The following SLCO3A1 variants were observed in gnomAD, a reference collection of about 807,000 sequenced individuals.
SLCO3A1 encodes solute carrier organic anion transporter family member 3A1, also known as PGE1 transporter.
A neutral mutation model predicts 63.1 loss-of-function variants in SLCO3A1; 27 were observed. The ratio of observed to expected loss-of-function variants is 0.43; its 90% CI spans 0.32 to 0.59. The LOEUF is 0.59. Among genes scored for constraint, SLCO3A1 ranks in the 20% least tolerant of loss-of-function variants. The probability of loss-of-function intolerance (pLI) is 0.09; values close to 1 mark genes in which losing one functional copy is unlikely to be tolerated. For synonymous variants in SLCO3A1, 473 were observed against 409.9 expected (o/e 1.15, Z -1.86); for missense variants, 773 against 945.8 (o/e 0.82, Z 2.40).
intron 2 of SLCO3A1, among the ~76,000 whole-genome samples, chr15:92,058,730 CTAG>C (rs2047051070): frequency 6.6e-6 from 1 of 152,126 alleles, no homozygotes; most frequent in Non-Finnish European, 1.5e-5. Context: ...TTTCACAGTC[CTAG>C]AAGCCAGAAC....
chr15:92,016,133 A>G lies in SLCO3A1; in HGVS notation c.647-78748A>G, dbSNP rs559370105. On this transcript the variant is annotated intron_variant, in intron 2 of 9. Transcript: ENST00000318445. ...CTGGACAGGAAGATGATGTGCAAAAAGCCCAAAGATGTAAGGCTGGGAGAT... is the reference window on the plus strand; with the variant it reads ...CTGGACAGGAAGATGATGTGCAAAAGGCCCAAAGATGTAAGGCTGGGAGAT... 2.6e-5 allele frequency among the ~76,000 whole-genome samples: 4 copies of G among 152,126 alleles called. No individual in the cohort carries two copies. In the East Asian group the frequency reaches 7.7e-4, roughly 29 times the overall value.
chr15:92,090,567 G>T lies in SLCO3A1; in HGVS notation c.647-4314G>T, dbSNP rs148306611. The stretch of plus-strand genomic sequence containing the variant: ...GGCTTGGCAAGCAGCAGATCAGTGG[G>T]GTGGACTCCGGACATCCAGTCAGTC... On this transcript the variant is annotated intron_variant, in intron 2 of 9. Coordinates refer to ENST00000318445, the MANE Select transcript of SLCO3A1 (RefSeq NM_013272.4). 6.4e-3 allele frequency among the ~76,000 whole-genome samples: 973 copies of T among 152,258 alleles called. 2 individuals are homozygous for T. The highest frequency in any genetic ancestry group is 0.026 in the South Asian group (127 of 4,820).
At chr15:91,964,038 G>A (rs1291785008) in intron 2 of SLCO3A1, among the ~76,000 whole-genome samples, 1 of 152,134 alleles carries the variant, frequency 6.6e-6, no homozygotes, top group Non-Finnish European at 1.5e-5. Context: ...GCACTGATTG[G>A]TGCATTTACA....
At chr15:92,000,228 C>T (rs1332456107) in intron 2 of SLCO3A1, among the ~76,000 whole-genome samples, 1 of 151,902 alleles carries the variant, frequency 6.6e-6, no homozygotes, top group Non-Finnish European at 1.5e-5. Context: ...TGTATATTTA[C>T]ATATAAACAT....
intron 2 of SLCO3A1, among the ~76,000 whole-genome samples, chr15:92,014,076 T>A (rs1314941737): frequency 6.6e-6 from 1 of 152,070 alleles, no homozygotes; most frequent in African/African-American, 2.4e-5. Context: ...GGCCTCTTTA[T>A]CTCCCCAGAT....
intron 2 of SLCO3A1, among the ~76,000 whole-genome samples, chr15:91,923,099 T>A (rs370701886): frequency 1.3e-5 from 2 of 152,220 alleles, no homozygotes; most frequent in African/African-American, 4.8e-5. Context: ...TCCTGGGTTT[T>A]GGATGAGTTT....
At chr15:91,978,830 G>A (rs892312397) in intron 2 of SLCO3A1, among the ~76,000 whole-genome samples, 1 of 152,190 alleles carries the variant, frequency 6.6e-6, no homozygotes, top group Non-Finnish European at 1.5e-5. Context: ...TAGTTCAAGG[G>A]TCAGCGAACT....
intron 2 of SLCO3A1, among the ~76,000 whole-genome samples, chr15:92,000,960 A>C (rs987366584): frequency 6.6e-6 from 1 of 152,030 alleles, no homozygotes; most frequent in African/African-American, 2.4e-5. Context: ...CCCTTCGAGG[A>C]CTGTCATCGA....
In SLCO3A1 at chr15:92,018,273, C is replaced by T. The variant is rs767662134; in HGVS notation, c.647-76608C>T. On this transcript the variant is annotated intron_variant, in intron 2 of 9. Coordinates refer to ENST00000318445, the MANE Select transcript of SLCO3A1 (RefSeq NM_013272.4). Reference sequence around the variant, plus strand: ...GCCTTGGCCAGGTCACTTGGGTTTCCCTGGTGAGGGGCTGCTGTCAGCACC... The same window carrying T: ...GCCTTGGCCAGGTCACTTGGGTTTCTCTGGTGAGGGGCTGCTGTCAGCACC... Among the ~76,000 whole-genome samples, 41 of 152,278 alleles carry T rather than the reference C, an allele frequency of 2.7e-4. 1 individual carries two copies. The highest frequency in any genetic ancestry group is 6.2e-4 in the South Asian group (3 of 4,832).
chr15:92,022,269 A>G (rs1164276007), intron 2 of SLCO3A1, among the ~76,000 whole-genome samples: 2 of 152,202 alleles, frequency 1.3e-5, no homozygotes, highest in Non-Finnish European at 2.9e-5. Context: ...TGACTTAGGT[A>G]CAGTATGTGG....
Position 91,941,365 on chromosome 15 carries a change from A to G in SLCO3A1, c.646+24907A>G. On this transcript the variant is annotated intron_variant, in intron 2 of 9. Coordinates refer to ENST00000318445, the MANE Select transcript of SLCO3A1 (RefSeq NM_013272.4). The surrounding 1 kb of genome is among the most constrained non-coding windows in gnomAD (Gnocchi z 4.4). The stretch of plus-strand genomic sequence containing the variant: ...CTAGGACTGAGCCCAAAGACCTGAG[A>G]TTCCCTGGGAGGCTGTGGGGTCTGC... The G allele has an allele frequency of 2.7e-6, 1 of 366,400 alleles. No homozygotes were observed. Among genetic ancestry groups the G allele is most frequent in the South Asian group, 2.1e-5 (1 of 48,436 alleles). 22.7% of individuals were successfully genotyped at this position (366,400 alleles called of 1,614,324 possible). A position where few individuals can be genotyped will look rare whatever the true frequency, so the allele number is the denominator to read the frequency against.
At chr15:92,004,695 A>G (rs759249864) in intron 2 of SLCO3A1, among the ~76,000 whole-genome samples, 18 of 152,256 alleles carry the variant, frequency 1.2e-4, no homozygotes, top group Non-Finnish European at 2.6e-4. Context: ...CTGGTGAGTG[A>G]GTTGGAGAAC....
chr15:92,065,804 C>T (rs1469352015), intron 2 of SLCO3A1, among the ~76,000 whole-genome samples: 1 of 152,180 alleles, frequency 6.6e-6, no homozygotes, highest in Admixed American at 6.5e-5. Flanking sequence ...CCATCACCAC[C>T]ATCTGATATT....
At chr15:92,106,676 G>T (rs937831563) in intron 4 of SLCO3A1, among the ~76,000 whole-genome samples, 1 of 152,104 alleles carries the variant, frequency 6.6e-6, no homozygotes, top group African/African-American at 2.4e-5. Flanking sequence ...AGATACAATG[G>T]TGCCATCAGA....
intron 2 of SLCO3A1, among the ~76,000 whole-genome samples, chr15:92,055,626 C>G (rs140723372): frequency 2.3e-4 from 35 of 152,274 alleles, no homozygotes; most frequent in African/African-American, 7.9e-4. Context: ...ACCTCATACA[C>G]TCTCTGCATT....
At chr15:92,069,340 T>G (rs1040810394) in intron 2 of SLCO3A1, among the ~76,000 whole-genome samples, 1 of 152,200 alleles carries the variant, frequency 6.6e-6, no homozygotes, top group African/African-American at 2.4e-5. Context: ...GATACGCAGA[T>G]AATTTCAGTG....
chr15:91,890,847 C>T (rs1272897772), intron 1 of SLCO3A1, among the ~76,000 whole-genome samples: 1 of 152,188 alleles, frequency 6.6e-6, no homozygotes, highest in Admixed American at 6.5e-5. Flanking sequence ...CTCACTACTG[C>T]CCTGGCCAGA....
rs930404946 is a variant in SLCO3A1 at position 91,966,664 on chromosome 15, C to A, written c.646+50206C>A. On this transcript the variant is annotated intron_variant, in intron 2 of 9. Transcript: ENST00000318445. ...GCTTTCCAAATGCAAATTGTAGGAA[C>A]ATTTAATTAAATGGGACCCTTAGGA... Among the ~76,000 whole-genome samples the A allele has an allele frequency of 1.4e-4, 21 of 152,294 alleles. No individual in the cohort carries two copies. In the East Asian group the frequency reaches 3.9e-3, roughly 28 times the overall value.
chr15:92,016,267 TAGATAGA>T (rs1163418069), intron 2 of SLCO3A1, among the ~76,000 whole-genome samples: 1 of 85,028 alleles, frequency 1.2e-5, no homozygotes, highest in Admixed American at 1.2e-4. Flanking sequence ...GATAGATAGA[TAGATAGA>T]TAGATAGATG....
Sources: gnomAD v4.1 joint callset for allele counts (sites outside exome capture counted in the v4.1 genomes callset) on GRCh38, gnomAD v4.1.1 for gene constraint, Gnocchi (gnomAD v3.1) non-coding constraint, MANE v1.5 for transcripts, NCBI Gene and HGNC (gene_info 2026-07-23, HGNC 2026-07-21) for gene names.